The following SAYSD1 variants were observed in gnomAD, a reference collection of about 807,000 sequenced individuals.
SAYSD1 encodes the protein SAYSVFN motif domain containing 1, also known as SAYSvFN domain-containing protein 1.
Under a neutral mutation model 14.5 loss-of-function variants are expected in SAYSD1, and 15 were observed. The observed-to-expected ratio is 1.03, with a 90% CI of 0.69 to 1.59. The LOEUF (loss-of-function observed/expected upper bound fraction) is 1.59. SAYSD1 is among the 40% of genes most tolerant of loss of function. The pLI is 0.00. For missense variants in SAYSD1, 247 were observed against 227.3 expected (o/e 1.09, Z -0.56); for synonymous variants, 105 against 102.6 (o/e 1.02, Z -0.14).
Position 39,104,699 on chromosome 6 carries a change from C to G in SAYSD1, c.*733G>C, listed in dbSNP as rs1356828041. 2.0e-5 allele frequency: 3 copies of G among 152,070 alleles called. No homozygotes were observed. The highest frequency in any genetic ancestry group is 4.8e-5 in the African/African-American group (2 of 41,316). 9.4% of individuals were successfully genotyped at this position (152,070 alleles called of 1,614,324 possible). A position where few individuals can be genotyped will look rare whatever the true frequency, so the allele number is the denominator to read the frequency against. On this transcript the variant is annotated 3_prime_UTR_variant, in exon 2 of 2. Coordinates refer to ENST00000229903, the MANE Select transcript of SAYSD1 (RefSeq NM_018322.3). ...GCAGCCAACGGGTCTGGAGTTAACA[C>G]TTCCAGCCCTCCCCTTTGTACACAC...
chr6:39,109,233 C>T, intron 1 of SAYSD1: 1 of 1,293,508 alleles, frequency 7.7e-7, no homozygotes, highest in South Asian at 1.3e-5. Context: ...GGTTCTGGGG[C>T]AGGGTGGTGT....
chr6:39,109,334 G>A (rs772770104), intron 1 of SAYSD1: 1 of 1,551,052 alleles, frequency 6.4e-7, no homozygotes, highest in East Asian at 2.4e-5. Flanking sequence ...GTCCTAATGT[G>A]GAAGAAGCTC....
chr6:39,109,443 G>A, intron 1 of SAYSD1: 1 of 1,544,014 alleles, frequency 6.5e-7, no homozygotes, highest in Non-Finnish European at 8.8e-7. Flanking sequence ...CTGAAAAGAT[G>A]CAGCGGCATT....
rs533028008 is a variant in SAYSD1 at position 39,107,601 on chromosome 6, T to G, written c.208-1825A>C. 7.9e-5 allele frequency among the ~76,000 whole-genome samples: 12 copies of G among 152,330 alleles called. No individual in the cohort carries two copies. The South Asian group carries it at 2.3e-3, about 29-fold the overall frequency. On this transcript the variant is annotated intron_variant, in intron 1 of 1. Transcript: ENST00000229903. The stretch of plus-strand genomic sequence containing the variant: ...GGATCACAAATACTGGTCATCTGAT[T>G]TATGATGTTTCAGAAGTTCTATTTT...
In SAYSD1 at chr6:39,104,406, C is replaced by G. The variant is rs1254016454; in HGVS notation, c.*1026G>C. On this transcript the variant is annotated 3_prime_UTR_variant, in exon 2 of 2. Coordinates refer to ENST00000229903, the MANE Select transcript of SAYSD1 (RefSeq NM_018322.3). ...TGGAAAAGCAGCATTAAAATCCAGC[C>G]TGATTATCACAATTTACAGAATTTC... The G allele has an allele frequency of 6.6e-6, 1 of 152,062 alleles. No homozygotes were observed. The highest frequency in any genetic ancestry group is 1.5e-5 in the Non-Finnish European group (1 of 68,032). 9.4% of individuals were successfully genotyped at this position (152,062 alleles called of 1,614,324 possible). A position where few individuals can be genotyped will look rare whatever the true frequency, so the allele number is the denominator to read the frequency against.
At chr6:39,107,696 G>A (rs535701684) in intron 1 of SAYSD1, among the ~76,000 whole-genome samples, 3 of 152,160 alleles carry the variant, frequency 2.0e-5, no homozygotes, top group Non-Finnish European at 4.4e-5. Flanking sequence ...AAGTCTGATT[G>A]GAGAGGCCCT....
At chr6:39,113,428 C>A (rs995739293) in intron 1 of SAYSD1, 2 of 152,464 alleles carry the variant, frequency 1.3e-5, no homozygotes, top group African/African-American at 2.4e-5. Flanking sequence ...GAGGCAGAAT[C>A]TGAAGAAAAA....
chr6:39,109,445 AG>A, intron 1 of SAYSD1: 2 of 1,543,502 alleles, frequency 1.3e-6, no homozygotes, highest in East Asian at 2.5e-5. Flanking sequence ...GAAAAGATGC[AG>A]CGGCATTGTC....
intron 1 of SAYSD1, among the ~76,000 whole-genome samples, chr6:39,107,200 T>C (rs1197867559): frequency 6.6e-6 from 1 of 152,186 alleles, no homozygotes; most frequent in Non-Finnish European, 1.5e-5. Context: ...TACCCAAAGA[T>C]ATTCTCAGTC....
At chr6:39,112,033 A>G (rs1769635413) in intron 1 of SAYSD1, 2 of 152,194 alleles carry the variant, frequency 1.3e-5, no homozygotes, top group South Asian at 4.1e-4. Context: ...TAAACTGACT[A>G]TCGGATCACT....
Position 39,115,155 on chromosome 6 carries a change from T to A in SAYSD1, c.-66A>T. The stretch of plus-strand genomic sequence containing the variant: ...GCCCGCAGGCCGCACAGCAGTTGCC[T>A]CCGCTCGGCCCGCGCCGGCCGCCGT... On this transcript the variant is annotated 5_prime_UTR_variant, in exon 1 of 2. Transcript: ENST00000229903. 1 of 1,444,440 alleles carries A rather than the reference T, an allele frequency of 6.9e-7. No individual in the cohort carries two copies. Among genetic ancestry groups the A allele is most frequent in the Non-Finnish European group, 9.2e-7 (1 of 1,091,692 alleles). The allele number at this position is 1,444,440 out of a possible 1,614,324, so 89.5% of individuals were successfully genotyped here. A position where few individuals can be genotyped will look rare whatever the true frequency, so the allele number is the denominator to read the frequency against.
intron 1 of SAYSD1, among the ~76,000 whole-genome samples, chr6:39,106,383 CCAGCAT>C (rs987412619): frequency 2.6e-5 from 4 of 152,022 alleles, no homozygotes; most frequent in Admixed American, 2.0e-4. Context: ...CGAAAATTAG[CCAGCAT>C]GGTGGCACAC....
chr6:39,106,922 C>G (rs988517991), intron 1 of SAYSD1, among the ~76,000 whole-genome samples: 1 of 152,178 alleles, frequency 6.6e-6, no homozygotes, highest in African/African-American at 2.4e-5. Flanking sequence ...CTCTTTTGAA[C>G]ATGACCTACA....
In SAYSD1 at chr6:39,114,937, G is replaced by C. The variant is rs771713045; in HGVS notation, c.153C>G (p.Phe51Leu). 5.6e-6 allele frequency: 9 copies of C among 1,613,592 alleles called. No homozygotes were observed. In the Admixed American group the frequency reaches 1.3e-4, roughly 24 times the overall value. ...TCGCGGGCCTAGGTTTCCATACCAGGAACCGCTTTAGCCAGCCTGGGGCTG... is the reference window on the plus strand; with the variant it reads ...TCGCGGGCCTAGGTTTCCATACCAGCAACCGCTTTAGCCAGCCTGGGGCTG... The part of the protein sequence containing the change: ...LKAAPGWLKR[F>L]LVWKPRPASA... Residue 51 changes from phenylalanine (F) to leucine (L), a missense_variant, in exon 1 of 2, where the codon TTC becomes TTG. By Grantham distance (22) the Phe-to-Leu change is conservative. Coordinates refer to ENST00000229903, the MANE Select transcript of SAYSD1 (RefSeq NM_018322.3).
chr6:39,109,979 C>T (rs758682494), intron 1 of SAYSD1, among the ~76,000 whole-genome samples: 1 of 151,882 alleles, frequency 6.6e-6, no homozygotes, highest in Non-Finnish European at 1.5e-5. Flanking sequence ...CCTTCATCTG[C>T]GGATGAACAG....
At position 39,105,682 on chromosome 6, in the gene SAYSD1, A is replaced by C; in HGVS notation, c.302T>G (p.Ile101Ser). Residue 101 changes from isoleucine (I) to serine (S), a missense_variant, in exon 2 of 2, where the codon ATC (isoleucine) becomes AGC (serine). Physicochemically the swap from Ile to Ser is moderately radical, Grantham distance 142. Transcript: ENST00000229903. Reference sequence around the variant, plus strand: ...CCAGAGAAGAACCTTCAAGAAGGTGATATTGGTCAGGAAAGACTGGTCCCA... The same window carrying C: ...CCAGAGAAGAACCTTCAAGAAGGTGCTATTGGTCAGGAAAGACTGGTCCCA... ...SCWDQSFLTN[I>S]TFLKVLLWLV... is the part of the protein sequence containing the mutation. 6.2e-7 allele frequency: 1 copy of C among 1,614,218 alleles called. No homozygotes were observed. Among genetic ancestry groups the C allele is most frequent in the Non-Finnish European group, 8.5e-7 (1 of 1,180,046 alleles).
At chr6:39,105,892 C>G (rs1769494253) in intron 1 of SAYSD1, 116 bp from the exon 2 acceptor site, 1 of 875,344 alleles carries the variant, frequency 1.1e-6, no homozygotes, top group Non-Finnish European at 1.7e-6. Context: ...TCATTGATTT[C>G]TATTCTTTCA....
At chr6:39,114,791 G>C in intron 1 of SAYSD1, 92 bp downstream of exon 1, 1 of 1,319,508 alleles carries the variant, frequency 7.6e-7, no homozygotes, top group Admixed American at 1.9e-5. Context: ...CCCCGCCTCC[G>C]GCAGCTAGGG....
chr6:39,114,564 GGA>G (rs1260113623), intron 1 of SAYSD1, among the ~76,000 whole-genome samples: 1 of 152,234 alleles, frequency 6.6e-6, no homozygotes, highest in African/African-American at 2.4e-5. Flanking sequence ...ACTTGGTTGT[GGA>G]GAGGTTTCCC....
Sources: allele counts gnomAD v4.1 joint callset (sites outside exome capture counted in the v4.1 genomes callset), GRCh38; gene constraint gnomAD v4.1.1; transcripts MANE v1.5; gene names NCBI Gene and HGNC (gene_info 2026-07-23, HGNC 2026-07-21).